CDH18: variants seen among roughly 807,000 people sequenced by gnomAD.
CDH18 encodes the protein cadherin-18.
In CDH18, 31 loss-of-function variants were observed where a neutral mutation model predicts 67.9. That is an observed-to-expected ratio of 0.46 (90% CI 0.34 to 0.62). The LOEUF (loss-of-function observed/expected upper bound fraction) is 0.62, where lower values mean the gene tolerates loss of function less well. Ranked by LOEUF, CDH18 falls within the 20% of genes least tolerant of loss-of-function variation. The probability of loss-of-function intolerance (pLI) is 0.01; values close to 1 mark genes in which losing one functional copy is unlikely to be tolerated. For synonymous variants in CDH18, 362 were observed against 347.2 expected, an observed-to-expected ratio of 1.04 and a Z score of -0.48; for missense variants, 890 against 975.5, an observed-to-expected ratio of 0.91 and a Z score of 1.17.
At position 20,283,884 on chromosome 5, in the gene CDH18, G is replaced by T. The variant is rs533900407; in HGVS notation, c.-579-28379C>A. 2.0e-5 allele frequency among the ~76,000 whole-genome samples: 3 copies of T among 152,140 alleles called. No homozygotes were observed. In the South Asian group the frequency reaches 6.2e-4, roughly 32 times the overall value. On this transcript the variant is annotated intron_variant, in intron 1 of 14. Transcript: ENST00000507958. ...CATTGACATAAATCAAGAAAATGTG[G>T]TACATATACACAGTGGGGCACTATT...
chr5:20,041,457 C>T (rs532988835), intron 2 of CDH18, among the ~76,000 whole-genome samples: 217 of 152,254 alleles, frequency 1.4e-3, no homozygotes, highest in African/African-American at 4.9e-3. Flanking sequence ...CATTTATATC[C>T]TCCAATTAAA....
At chr5:20,409,552 C>T (rs1746590250) in intron 1 of CDH18, among the ~76,000 whole-genome samples, 1 of 151,366 alleles carries the variant, frequency 6.6e-6, no homozygotes, top group African/African-American at 2.4e-5. Context: ...TGATAAATAC[C>T]TACTTAATAA....
intron 2 of CDH18, among the ~76,000 whole-genome samples, chr5:19,842,775 T>G (rs571873024): frequency 2.0e-5 from 3 of 152,220 alleles, no homozygotes; most frequent in African/African-American, 7.2e-5. Context: ...TAGACACTTG[T>G]TGAACGGTTT....
At chr5:20,292,061 G>A (rs568444058) in intron 1 of CDH18, among the ~76,000 whole-genome samples, 1 of 152,286 alleles carries the variant, frequency 6.6e-6, no homozygotes, top group South Asian at 2.1e-4. Context: ...CCTCGGCTGA[G>A]CACACCTGGG....
chr5:19,665,170 GAA>G (rs1757735883), intron 5 of CDH18, among the ~76,000 whole-genome samples: 2 of 151,864 alleles, frequency 1.3e-5, no homozygotes, highest in Non-Finnish European at 2.9e-5. Flanking sequence ...TTAACATTAT[GAA>G]GTGTGAAATA....
chr5:19,767,719 T>C (rs1773272538), intron 3 of CDH18, among the ~76,000 whole-genome samples: 1 of 152,140 alleles, frequency 6.6e-6, no homozygotes, highest in Non-Finnish European at 1.5e-5. Context: ...TATAATTGTA[T>C]GGAGACTTCA....
In CDH18 at chr5:19,573,471, G is replaced by A. The variant is rs563242746; in HGVS notation, c.1000-1639C>T. Among the ~76,000 whole-genome samples the A allele has an allele frequency of 8.5e-5, 13 of 152,128 alleles. No individual in the cohort carries two copies. In the East Asian group the frequency reaches 2.1e-3, roughly 25 times the overall value. Reference sequence around the variant, plus strand: ...TTTTTTGTATTTTTAGTAGAGACGCGGTTTCACCGTGTTAGCCAGGATGGT... The same window carrying A: ...TTTTTTGTATTTTTAGTAGAGACGCAGTTTCACCGTGTTAGCCAGGATGGT... On this transcript the variant is annotated intron_variant, in intron 7 of 12. Coordinates refer to ENST00000382275, the MANE Select transcript of CDH18 (RefSeq NM_004934.5).
chr5:19,490,566 C>T (rs921499276), intron 11 of CDH18, among the ~76,000 whole-genome samples: 1 of 151,558 alleles, frequency 6.6e-6, no homozygotes, highest in Non-Finnish European at 1.5e-5. Context: ...AGGCGTGCAC[C>T]ACCACACCCA....
intron 1 of CDH18, among the ~76,000 whole-genome samples, chr5:20,365,786 C>T (rs117644273): frequency 6.6e-6 from 1 of 151,958 alleles, no homozygotes; most frequent in Non-Finnish European, 1.5e-5. Flanking sequence ...AATCATCAGG[C>T]TTTTTGGTTT....
intron 11 of CDH18, among the ~76,000 whole-genome samples, chr5:19,484,257 G>T (rs1231214884): frequency 6.6e-6 from 1 of 152,120 alleles, no homozygotes; most frequent in Middle Eastern, 3.2e-3. Context: ...ATTCATAGCT[G>T]AAAATAATTT....
At chr5:20,204,733 G>A (rs573904925) in intron 2 of CDH18, among the ~76,000 whole-genome samples, 39 of 151,758 alleles carry the variant, frequency 2.6e-4, no homozygotes, top group South Asian at 8.3e-4. Flanking sequence ...TGTAAATTGC[G>A]AAACAAAAAA....
intron 3 of CDH18, among the ~76,000 whole-genome samples, chr5:19,818,746 T>C (rs1000191184): frequency 4.6e-5 from 7 of 152,202 alleles, no homozygotes; most frequent in Non-Finnish European, 1.0e-4. Context: ...AATAAGTATA[T>C]GCATATCTAA....
At chr5:20,476,167 C>A (rs188291360) in intron 1 of CDH18, among the ~76,000 whole-genome samples, 4 of 152,152 alleles carry the variant, frequency 2.6e-5, no homozygotes, top group Non-Finnish European at 5.9e-5. Flanking sequence ...CATAACAGAC[C>A]TCAAAACTGC....
At position 19,595,609 on chromosome 5, in the gene CDH18, C is replaced by T. The variant is rs145045157; in HGVS notation, c.812-4365G>A. Among the ~76,000 whole-genome samples the T allele has an allele frequency of 7.3e-3, 1,106 of 152,182 alleles. 7 individuals carry two copies. The highest frequency in any genetic ancestry group is 0.011 in the Non-Finnish European group (776 of 68,018). ...ACTGCACTCAGCCTGGGCGACAGAG[C>T]GAGACTCCATCTCAAAAATAAAAAA... is the stretch of plus-strand genomic sequence containing the variant. On this transcript the variant is annotated intron_variant, in intron 6 of 12. Coordinates refer to ENST00000382275, the MANE Select transcript of CDH18 (RefSeq NM_004934.5).
chr5:20,574,347 T>C (rs931553645), intron 1 of CDH18, among the ~76,000 whole-genome samples: 19 of 151,984 alleles, frequency 1.3e-4, no homozygotes, highest in Middle Eastern at 3.2e-3. Context: ...TTTTGAAACG[T>C]TGAACAACAT....
At chr5:20,142,801 A>T (rs1331544220) in intron 2 of CDH18, among the ~76,000 whole-genome samples, 1 of 152,140 alleles carries the variant, frequency 6.6e-6, no homozygotes, top group Non-Finnish European at 1.5e-5. Flanking sequence ...CCCGGCTCTC[A>T]TGAGAAACCA....
intron 1 of CDH18, among the ~76,000 whole-genome samples, chr5:20,396,528 GA>G (rs1243837272): frequency 6.6e-6 from 1 of 151,862 alleles, no homozygotes; most frequent in African/African-American, 2.4e-5. Flanking sequence ...AATAAATGCT[GA>G]TTAATGTAAA....
At chr5:20,403,536 C>T (rs1286765490) in intron 1 of CDH18, among the ~76,000 whole-genome samples, 2 of 152,256 alleles carry the variant, frequency 1.3e-5, no homozygotes, top group Admixed American at 1.3e-4. Flanking sequence ...ACATTTCAGT[C>T]AGGGTTTTGG....
At chr5:20,008,522 G>C (rs1395357712) in intron 2 of CDH18, among the ~76,000 whole-genome samples, 1 of 152,118 alleles carries the variant, frequency 6.6e-6, no homozygotes, top group Admixed American at 6.6e-5. Flanking sequence ...TCCCACGAAA[G>C]TTAATGCTAA....
Sources: gnomAD v4.1 joint callset for allele counts (sites outside exome capture counted in the v4.1 genomes callset) on GRCh38, gnomAD v4.1.1 for gene constraint, MANE v1.5 for transcripts, NCBI Gene and HGNC (gene_info 2026-07-23, HGNC 2026-07-21) for gene names.